The following STXBP5 variants were observed in gnomAD, a reference collection of about 807,000 sequenced individuals.
The protein encoded by STXBP5 is syntaxin binding protein 5.
STXBP5 carries 50 observed loss-of-function variants against 152.4 expected under a neutral mutation model. That is an observed-to-expected ratio of 0.33 (90% confidence interval 0.26 to 0.42). The LOEUF (loss-of-function observed/expected upper bound fraction) is 0.42. Among genes scored for constraint, STXBP5 ranks in the 10% least tolerant of loss-of-function variants. The probability of loss-of-function intolerance (pLI) is 1.00; values close to 1 mark genes in which losing one functional copy is unlikely to be tolerated. For missense variants in STXBP5, 1,167 were observed against 1,388.6 expected, an observed-to-expected ratio of 0.84 and a Z score of 2.54; for synonymous variants, 492 against 494.7, an observed-to-expected ratio of 0.99 and a Z score of 0.07.
At position 147,382,820 on chromosome 6, in the gene STXBP5, AGCATATTCCTGGCCCTGGTG is replaced by A; in HGVS notation, c.3241_3260del (p.Ile1081Ter). The A allele has an allele frequency of 6.2e-7, 1 of 1,613,604 alleles. No homozygotes were observed. The highest frequency in any genetic ancestry group is 8.5e-7 in the Non-Finnish European group (1 of 1,179,658). ...GGAAAGGCTTCAAGGAGCCTTGCACAGCATATTCCTGGCCCTGGTGGCATTGAAGGCGTAAAAGGGGCAGC... is the reference window on the plus strand; with the variant it reads ...GGAAAGGCTTCAAGGAGCCTTGCACAGCATTGAAGGCGTAAAAGGGGCAGC... On this transcript the variant is annotated frameshift_variant, in exon 27 of 28. Transcript: ENST00000321680. LOFTEE classifies it high-confidence loss of function.
At chr6:147,272,796 G>T (rs1367684964) in intron 7 of STXBP5, among the ~76,000 whole-genome samples, 1 of 152,020 alleles carries the variant, frequency 6.6e-6, no homozygotes, top group Admixed American at 6.6e-5. Flanking sequence ...TCTCTTGAGG[G>T]TGATTCAGAT....
In STXBP5 at chr6:147,334,588, G is replaced by T. The variant is rs922816759; in HGVS notation, c.2146+366G>T. Among the ~76,000 whole-genome samples, 12 of 152,130 alleles carry T rather than the reference G, an allele frequency of 7.9e-5. No homozygotes were observed. In the East Asian group the frequency reaches 2.3e-3, roughly 29 times the overall value. On this transcript the variant is annotated intron_variant, in intron 19 of 27. Transcript: ENST00000321680. Reference sequence around the variant, plus strand: ...TGTTTAACACTTATAATCTAATCATGAGTGTAGACAATTAGAATAATTATA... The same window carrying T: ...TGTTTAACACTTATAATCTAATCATTAGTGTAGACAATTAGAATAATTATA...
Position 147,304,955 on chromosome 6 carries a change from AGAGTGT to A in STXBP5, c.918-5125_918-5120del, listed in dbSNP as rs139352050. Among the ~76,000 whole-genome samples, 3 of 152,304 alleles carry A rather than the reference AGAGTGT, an allele frequency of 2.0e-5. No individual in the cohort carries two copies. The East Asian group carries it at 5.8e-4, about 29-fold the overall frequency. ...AGTTACGTGGTTTCAGATTACATCC[AGAGTGT>A]GAGGGGGTATGAGGCTTGGATTGAG... On this transcript the variant is annotated intron_variant, in intron 9 of 27. Coordinates refer to ENST00000321680, the MANE Select transcript of STXBP5 (RefSeq NM_001127715.4).
In STXBP5 at chr6:147,268,969, T is replaced by G. The variant is rs375573285; in HGVS notation, c.714+1802T>G. 5.9e-5 allele frequency among the ~76,000 whole-genome samples: 9 copies of G among 152,194 alleles called. No homozygotes were observed. The South Asian group carries it at 1.0e-3, about 18-fold the overall frequency. ...GTGGAAGCTGAGAAGTCTCCCTGAG[T>G]TGAAAAGTCAGAGTTGGGAAACTGG... On this transcript the variant is annotated intron_variant, in intron 7 of 27. Transcript: ENST00000321680.
intron 2 of STXBP5, among the ~76,000 whole-genome samples, chr6:147,227,766 C>T (rs1777793976): frequency 6.6e-6 from 1 of 152,078 alleles, no homozygotes. Context: ...TAGTTTGATT[C>T]TAAAAGTTGA....
At chr6:147,352,723 C>T (rs1411330960) in intron 21 of STXBP5, among the ~76,000 whole-genome samples, 3 of 152,220 alleles carry the variant, frequency 2.0e-5, no homozygotes, top group African/African-American at 7.2e-5. Context: ...TCTGCAACAC[C>T]TTTCTTCTGA....
chr6:147,272,845 C>G (rs1212154944), intron 7 of STXBP5, among the ~76,000 whole-genome samples: 2 of 152,038 alleles, frequency 1.3e-5, no homozygotes, highest in African/African-American at 4.8e-5. Flanking sequence ...TCTTTGCACC[C>G]TTGAGCTTTT....
chr6:147,232,780 G>T (rs1778069381), intron 2 of STXBP5, among the ~76,000 whole-genome samples: 1 of 151,778 alleles, frequency 6.6e-6, no homozygotes. Flanking sequence ...TTTTTATCAT[G>T]TTAGCTAGAA....
intron 9 of STXBP5, among the ~76,000 whole-genome samples, chr6:147,308,619 G>A (rs886829910): frequency 6.6e-6 from 1 of 152,084 alleles, no homozygotes; most frequent in South Asian, 2.1e-4. Context: ...AATTTGTGTA[G>A]TGATAATTGC....
At chr6:147,213,428 T>TTATATA (rs144122039) in intron 2 of STXBP5, among the ~76,000 whole-genome samples, 4 of 88,428 alleles carry the variant, frequency 4.5e-5, no homozygotes, top group African/African-American at 1.5e-4. Flanking sequence ...TCACATAATT[T>TTATATA]TATATATGTG....
intron 26 of STXBP5, among the ~76,000 whole-genome samples, chr6:147,375,564 A>G (rs187562693): frequency 2.0e-5 from 3 of 151,826 alleles, no homozygotes; most frequent in East Asian, 1.9e-4. Context: ...AAGATCTAAC[A>G]TAAGTTTAGA....
chr6:147,245,063 G>C (rs757373415), intron 4 of STXBP5, among the ~76,000 whole-genome samples: 1 of 146,038 alleles, frequency 6.8e-6, no homozygotes, highest in Non-Finnish European at 1.5e-5. Context: ...CGTGATCTTG[G>C]CTCACTGCAA....
At position 147,385,427 on chromosome 6, in the gene STXBP5, A is replaced by G. The variant is rs550548218; in HGVS notation, c.*672A>G. The G allele has an allele frequency of 6.6e-6, 1 of 152,128 alleles. No individual in the cohort carries two copies. The highest frequency in any genetic ancestry group is 6.6e-5 in the Admixed American group (1 of 15,260). 9.4% of individuals were successfully genotyped at this position (152,128 alleles called of 1,614,324 possible). On this transcript the variant is annotated 3_prime_UTR_variant, in exon 28 of 28. Transcript: ENST00000321680. ...TTCATATTTTGTCAAAAGCAAAACA[A>G]GAAGATACATCACTTTTCATTGAAA...
At chr6:147,304,433 G>A (rs917967265) in intron 9 of STXBP5, among the ~76,000 whole-genome samples, 3 of 152,196 alleles carry the variant, frequency 2.0e-5, no homozygotes, top group African/African-American at 7.2e-5. Context: ...ATCCCTGGAT[G>A]TCCAGGCAGA....
Position 147,339,252 on chromosome 6 carries a change from A to C in STXBP5, c.2206+14A>C. ...TTATAGAAAAGGGTATAGTATCTTG[A>C]TTTTAAAGTATTTTCTTTTATGTTT... On this transcript the variant is annotated intron_variant, in intron 20 of 27. Transcript: ENST00000321680. The C allele has an allele frequency of 6.6e-7, 1 of 1,516,450 alleles. No individual in the cohort carries two copies. The highest frequency in any genetic ancestry group is 8.8e-7 in the Non-Finnish European group (1 of 1,132,672). The allele number at this position is 1,516,450 out of a possible 1,614,324, so 93.9% of individuals were successfully genotyped here.
chr6:147,292,163 C>T (rs1167767837), intron 9 of STXBP5: 1 of 415,998 alleles, frequency 2.4e-6, no homozygotes, highest in Admixed American at 2.8e-5. Flanking sequence ...AATCTCCCCT[C>T]CCATTTCAAT....
At position 147,254,995 on chromosome 6, in the gene STXBP5, C is replaced by T. The variant is rs570803489; in HGVS notation, c.432-5620C>T. Among the ~76,000 whole-genome samples, 153 of 152,248 alleles carry T rather than the reference C, an allele frequency of 1.0e-3. 2 individuals are homozygous for T. Among genetic ancestry groups the T allele is most frequent in the South Asian group, 5.0e-3 (24 of 4,826 alleles). ...TGTACCCAAAGGATTATAAATCATT[C>T]GACTATAAAGACACATGCACATGTA... is the stretch of plus-strand genomic sequence containing the variant. On this transcript the variant is annotated intron_variant, in intron 4 of 27. Transcript: ENST00000321680.
Position 147,316,297 on chromosome 6 carries a change from T to G in STXBP5, c.1692T>G (p.Pro564=). The G allele has an allele frequency of 6.2e-7, 1 of 1,613,920 alleles. No homozygotes were observed. The highest frequency in any genetic ancestry group is 8.5e-7 in the Non-Finnish European group (1 of 1,179,922). ...VETPEGEQPP[P]LPTPVGGSNP... Reference sequence around the variant, plus strand: ...CTCCGGAGGGTGAGCAGCCACCACCTTTGCCAACACCCGTGGGAGGGTCCA... The same window carrying G: ...CTCCGGAGGGTGAGCAGCCACCACCGTTGCCAACACCCGTGGGAGGGTCCA... The change falls in exon 16 of 28, where the codon CCT becomes CCG. Residue 564 remains proline (P), a synonymous_variant. Coordinates refer to ENST00000321680, the MANE Select transcript of STXBP5 (RefSeq NM_001127715.4).
At chr6:147,251,650 G>C (rs1024924977) in intron 4 of STXBP5, among the ~76,000 whole-genome samples, 1 of 152,234 alleles carries the variant, frequency 6.6e-6, no homozygotes, top group Non-Finnish European at 1.5e-5. Flanking sequence ...GAAAGGGGCA[G>C]CTGTGGGCGC....
Sources: gnomAD v4.1 joint callset for allele counts (sites outside exome capture counted in the v4.1 genomes callset) on GRCh38, gnomAD v4.1.1 for gene constraint, MANE v1.5 for transcripts, NCBI Gene and HGNC (gene_info 2026-07-23, HGNC 2026-07-21) for gene names.